USP32: variants seen among roughly 807,000 people sequenced by gnomAD.
The protein encoded by USP32 is ubiquitin carboxyl-terminal hydrolase 32.
In USP32, 59 loss-of-function variants were observed where a neutral mutation model predicts 204.8. The ratio of observed to expected loss-of-function variants is 0.29; its 90% CI spans 0.23 to 0.36. The LOEUF (loss-of-function observed/expected upper bound fraction) is 0.36. Ranked by LOEUF, USP32 falls within the 10% of genes least tolerant of loss-of-function variation. USP32 has a pLI of 1.00. For synonymous variants in USP32, 517 were observed against 678.4 expected (o/e 0.76, Z 3.70); for missense variants, 1,160 against 1,946.4 (o/e 0.60, Z 7.60).
chr17:60,339,337 C>A (rs868205117), intron 2 of USP32, among the ~76,000 whole-genome samples: 1 of 151,844 alleles, frequency 6.6e-6, no homozygotes, highest in African/African-American at 2.4e-5. Context: ...AATCCCAGCA[C>A]TTTAGGAGGC....
Position 60,226,230 on chromosome 17 carries a change from T to A in USP32, c.1241A>T (p.Asp414Val). The A allele has an allele frequency of 6.5e-7, 1 of 1,532,050 alleles. No individual in the cohort carries two copies. Among genetic ancestry groups the A allele is most frequent in the Non-Finnish European group, 8.7e-7 (1 of 1,146,762 alleles). The allele number at this position is 1,532,050 out of a possible 1,614,324, so 94.9% of individuals were successfully genotyped here. Residue 414 changes from aspartate to valine, a missense_variant and splice_region_variant, in exon 13 of 34, where the codon GAT (aspartate) becomes GTT (valine). Transcript: ENST00000300896. ...TGGCTCAATTACCACAGGGTTGGCATCCTAAAATCAGGAAATCAGAGAATA... is the reference window on the plus strand; with the variant it reads ...TGGCTCAATTACCACAGGGTTGGCAACCTAAAATCAGGAAATCAGAGAATA... ...WQQWKEYVKY[D>V]ANPVVIEPSS...
Position 60,249,310 on chromosome 17 carries a change from T to A in USP32, c.1136+3071A>T, listed in dbSNP as rs149817202. 1,353 of 157,766 alleles carry A rather than the reference T, an allele frequency of 8.6e-3. 26 individuals are homozygous for A. The highest frequency in any genetic ancestry group is 0.03 in the African/African-American group (1,241 of 41,812). The allele number at this position is 157,766 out of a possible 1,614,324, so 9.8% of individuals were successfully genotyped here. On this transcript the variant is annotated intron_variant, in intron 11 of 33. Transcript: ENST00000300896. ...GGCTTCACCTTCAACTAGGGAAGAA[T>A]AAAGTGCTAAAGCCCACTTTGGTTT...
At chr17:60,366,843 G>A (rs957277222) in intron 1 of USP32, among the ~76,000 whole-genome samples, 4 of 151,078 alleles carry the variant, frequency 2.6e-5, no homozygotes, top group African/African-American at 9.7e-5. Flanking sequence ...TTTCTTTTGA[G>A]AGGGAGTCTT....
At chr17:60,414,100 C>A (rs377653073) in intron 1 of USP32, among the ~76,000 whole-genome samples, 2 of 151,584 alleles carry the variant, frequency 1.3e-5, no homozygotes, top group Non-Finnish European at 2.9e-5. Flanking sequence ...TGGTGGCTCA[C>A]GCCTATAATC....
At chr17:60,205,227 A>C (rs1481734443) in intron 26 of USP32, among the ~76,000 whole-genome samples, 1 of 152,282 alleles carries the variant, frequency 6.6e-6, no homozygotes, top group Non-Finnish European at 1.5e-5. Context: ...CTGATCACTT[A>C]TATTAGCATA....
chr17:60,302,103 T>C (rs1251764268), intron 2 of USP32, among the ~76,000 whole-genome samples: 1 of 141,118 alleles, frequency 7.1e-6, no homozygotes, highest in Non-Finnish European at 1.5e-5. Flanking sequence ...TATATATAAA[T>C]ATTTTGTTTG....
chr17:60,288,371 T>G, intron 5 of USP32, 152 bp downstream of exon 5: 2 of 862,468 alleles, frequency 2.3e-6, no homozygotes, highest in Non-Finnish European at 3.4e-6. Context: ...GCCCAGGAAG[T>G]TGAGACTGCC....
At chr17:60,264,578 C>A (rs1366739015) in intron 9 of USP32, among the ~76,000 whole-genome samples, 1 of 151,478 alleles carries the variant, frequency 6.6e-6, no homozygotes, top group East Asian at 1.9e-4. Context: ...ATGTACTGGC[C>A]AGGCGCAGTG....
chr17:60,278,928 A>T (rs1256313300), intron 5 of USP32, among the ~76,000 whole-genome samples: 1 of 152,226 alleles, frequency 6.6e-6, no homozygotes, highest in Non-Finnish European at 1.5e-5. Flanking sequence ...CCAAACTCCA[A>T]CACTGTGTGT....
intron 31 of USP32, 33 bp from the exon 32 acceptor site, chr17:60,181,781 T>C (rs1253358035): frequency 6.3e-7 from 1 of 1,583,364 alleles, no homozygotes; most frequent in Non-Finnish European, 8.6e-7. Flanking sequence ...GATTCACAAA[T>C]TCAAATGCCA....
intron 4 of USP32, among the ~76,000 whole-genome samples, chr17:60,290,360 T>C (rs2087241831): frequency 6.6e-6 from 1 of 152,186 alleles, no homozygotes; most frequent in Non-Finnish European, 1.5e-5. Flanking sequence ...CATTTTTATT[T>C]TGACATTGAC....
intron 28 of USP32, among the ~76,000 whole-genome samples, chr17:60,191,460 G>C (rs1390667607): frequency 6.6e-6 from 1 of 151,066 alleles, no homozygotes; most frequent in Non-Finnish European, 1.5e-5. Flanking sequence ...GTGGGAGATG[G>C]GGTAGGGGGG....
chr17:60,181,934 C>G (rs2084122838), intron 31 of USP32, among the ~76,000 whole-genome samples, 186 bp from the exon 32 acceptor site: 1 of 152,128 alleles, frequency 6.6e-6, no homozygotes, highest in Non-Finnish European at 1.5e-5. Flanking sequence ...TCTTCAATGC[C>G]AAGTCCCTAT....
At chr17:60,379,319 G>A (rs2089607384) in intron 1 of USP32, among the ~76,000 whole-genome samples, 1 of 152,162 alleles carries the variant, frequency 6.6e-6, no homozygotes, top group Admixed American at 6.5e-5. Flanking sequence ...CTTAGTAAAT[G>A]TGAAAACTTT....
chr17:60,249,693 T>G, intron 11 of USP32: 1 of 700,296 alleles, frequency 1.4e-6, no homozygotes, highest in Non-Finnish European at 2.6e-6. Context: ...CACCAAGGAT[T>G]AGTAGTTCTT....
chr17:60,315,215 C>G (rs1567847708), intron 2 of USP32, among the ~76,000 whole-genome samples: 1 of 152,010 alleles, frequency 6.6e-6, no homozygotes, highest in Non-Finnish European at 1.5e-5. Flanking sequence ...CTGGGCAACA[C>G]AGTGAAACCC....
At chr17:60,363,146 T>C (rs958783689) in intron 1 of USP32, among the ~76,000 whole-genome samples, 16 of 151,728 alleles carry the variant, frequency 1.1e-4, no homozygotes, top group African/African-American at 2.9e-4. Flanking sequence ...AATATTAAAT[T>C]TTTTAAATTA....
chr17:60,300,913 A>G (rs2087558075), intron 3 of USP32, among the ~76,000 whole-genome samples: 1 of 152,158 alleles, frequency 6.6e-6, no homozygotes, highest in African/African-American at 2.4e-5. Context: ...GATTTGCCTA[A>G]TCTTGAAATT....
At chr17:60,416,918 TC>T (rs2090066400) in intron 1 of USP32, among the ~76,000 whole-genome samples, 1 of 143,456 alleles carries the variant, frequency 7.0e-6, no homozygotes, top group Non-Finnish European at 1.5e-5. Context: ...TATATCCAAT[TC>T]CTTTTTTTTT....
Sources: allele counts gnomAD v4.1 joint callset (sites outside exome capture counted in the v4.1 genomes callset), GRCh38; gene constraint gnomAD v4.1.1; transcripts MANE v1.5; gene names NCBI Gene and HGNC (gene_info 2026-07-23, HGNC 2026-07-21).